Variants in ENTPD7 observed in about 807,000 individuals in gnomAD.
ENTPD7 encodes the protein NTPDase 7.
Under a neutral mutation model 77.9 loss-of-function variants are expected in ENTPD7, and 53 were observed. That is an observed-to-expected ratio of 0.68 (90% CI 0.55 to 0.85). The LOEUF is 0.85. Ranked by LOEUF, ENTPD7 falls within the 40% of genes least tolerant of loss-of-function variation. ENTPD7 has a pLI of 0.00. For synonymous variants in ENTPD7, 248 were observed against 274.9 expected (o/e 0.90, Z 0.97); for missense variants, 636 against 743.7 (o/e 0.86, Z 1.68).
chr10:99,671,391 C>T lies in ENTPD7; in HGVS notation c.192-7870C>T. Among the ~76,000 whole-genome samples the T allele has an allele frequency of 1.3e-5, 2 of 151,992 alleles. 1 individual carries two copies. The highest frequency in any genetic ancestry group is 2.9e-5 in the Non-Finnish European group (2 of 67,976). On this transcript the variant is annotated intron_variant, in intron 3 of 12. Coordinates refer to ENST00000370489, the MANE Select transcript of ENTPD7 (RefSeq NM_020354.5). ...GTATTCTTATTCTATAAGTTTTCTT[C>T]TATTTTTAAAAACTTAAAGTTTTTT... is the stretch of plus-strand genomic sequence containing the variant.
Position 99,702,515 on chromosome 10 carries a change from T to C in ENTPD7, c.1425T>C (p.Tyr475=), listed in dbSNP as rs752826285. 1.9e-5 allele frequency: 29 copies of C among 1,564,972 alleles called. No individual in the cohort carries two copies. Among genetic ancestry groups the C allele is most frequent in the Middle Eastern group, 1.7e-4 (1 of 5,948 alleles). The change falls in exon 12 of 13, where the codon TAT becomes TAC. Residue 475 remains tyrosine, a synonymous_variant. Coordinates refer to ENST00000370489, the MANE Select transcript of ENTPD7 (RefSeq NM_020354.5). ...SSHADEHRLK[Y]QCFKSAWMYQ... is the part of the protein sequence containing the mutation. ...TTTAATTATTTTTGTCACACAGATA[T>C]CAGTGTTTTAAATCGGCTTGGATGT... is the stretch of plus-strand genomic sequence containing the variant.
Position 99,697,028 on chromosome 10 carries a change from G to A in ENTPD7, c.1010+906G>A, listed in dbSNP as rs186346842. The stretch of plus-strand genomic sequence containing the variant: ...TACGTATACTTAACCATTTAGCTAC[G>A]AACACTAGCTTGAAGAAGTACTGGT... On this transcript the variant is annotated intron_variant, in intron 9 of 12. Transcript: ENST00000370489. 9.8e-4 allele frequency among the ~76,000 whole-genome samples: 149 copies of A among 152,280 alleles called. 1 individual carries two copies. The highest frequency in any genetic ancestry group is 6.8e-3 in the Middle Eastern group (2 of 294).
chr10:99,691,372 T>C lies in ENTPD7; in HGVS notation c.710-13T>C. ...TAATTACTAGGGCCTTTTTGTTCTC[T>C]TATTTATTTCAGAATCAGATGCTGA... On this transcript the variant is annotated splice_polypyrimidine_tract_variant and intron_variant, in intron 7 of 12. Coordinates refer to ENST00000370489, the MANE Select transcript of ENTPD7 (RefSeq NM_020354.5). The C allele has an allele frequency of 6.2e-7, 1 of 1,609,772 alleles. No individual in the cohort carries two copies. The highest frequency in any genetic ancestry group is 8.5e-7 in the Non-Finnish European group (1 of 1,178,778).
In ENTPD7 at chr10:99,696,048, T is replaced by C. The variant is rs1373930602; in HGVS notation, c.936T>C (p.Phe312=). The C allele has an allele frequency of 1.9e-6, 3 of 1,614,086 alleles. No homozygotes were observed. The African/African-American group carries it at 4.0e-5, about 22-fold the overall frequency. ...EHVYRVYVTT[F]LGFGGNFARQ... is the part of the protein sequence containing the mutation. ...TGTACAGGGTTTATGTCACAACTTT[T>C]CTGGGTTTCGGAGGCAACTTTGCCC... Residue 312 remains phenylalanine (F), a synonymous_variant, in exon 9 of 13, where the codon TTT becomes TTC. Transcript: ENST00000370489.
At chr10:99,688,657 A>G in intron 6 of ENTPD7, 37 bp from the exon 7 acceptor site, 1 of 1,609,132 alleles carries the variant, frequency 6.2e-7, no homozygotes, top group Non-Finnish European at 8.5e-7. Flanking sequence ...GCATAGCAGT[A>G]GAGAATTAAG....
chr10:99,660,043 C>A, intron 2 of ENTPD7, 79 bp downstream of exon 2: 1 of 1,605,638 alleles, frequency 6.2e-7, no homozygotes. Flanking sequence ...GGAGGCTGTC[C>A]CAAGTGAGGT....
Position 99,687,356 on chromosome 10 carries a change from C to T in ENTPD7, c.653-1338C>T, listed in dbSNP as rs1324366692. 4.2e-5 allele frequency among the ~76,000 whole-genome samples: 6 copies of T among 142,686 alleles called. No individual in the cohort carries two copies. The East Asian group carries it at 1.3e-3, about 30-fold the overall frequency. The allele number at this position is 142,686 out of a possible 152,430, so 93.6% of individuals were successfully genotyped here. A position where few individuals can be genotyped will look rare whatever the true frequency, so the allele number is the denominator to read the frequency against. On this transcript the variant is annotated intron_variant, in intron 6 of 12. Transcript: ENST00000370489. Reference sequence around the variant, plus strand: ...GTCTCGGCCCACTGCAACCTCCGCTCCCTGGTTCAAGCGACTCTCCTGCCT... The same window carrying T: ...GTCTCGGCCCACTGCAACCTCCGCTTCCTGGTTCAAGCGACTCTCCTGCCT...
chr10:99,669,251 A>G (rs902460916), intron 3 of ENTPD7, among the ~76,000 whole-genome samples: 49 of 152,248 alleles, frequency 3.2e-4, no homozygotes, highest in Admixed American at 1.2e-3. Context: ...TGCACATTGC[A>G]TCTTTGTATT....
At chr10:99,699,428 G>A (rs1018187617) in intron 10 of ENTPD7, among the ~76,000 whole-genome samples, 7 of 152,176 alleles carry the variant, frequency 4.6e-5, no homozygotes, top group African/African-American at 1.7e-4. Context: ...CATCATATAA[G>A]TTTAAATCAT....
chr10:99,708,381 A>C lies in ENTPD7; in HGVS notation c.*3698A>C, dbSNP rs2036292229. Among the ~76,000 whole-genome samples the C allele has an allele frequency of 6.6e-6, 1 of 152,222 alleles. No individual in the cohort carries two copies. The highest frequency in any genetic ancestry group is 2.1e-4 in the South Asian group (1 of 4,830). On this transcript the variant is annotated 3_prime_UTR_variant, in exon 13 of 13. Coordinates refer to ENST00000370489, the MANE Select transcript of ENTPD7 (RefSeq NM_020354.5). ...TGTTTTGTTTTTTGTCAGGGATGAA[A>C]GACAAGTGAGTGGTATCACTTAAGG...
intron 3 of ENTPD7, among the ~76,000 whole-genome samples, chr10:99,665,764 C>T (rs1211667799): frequency 6.6e-6 from 1 of 151,712 alleles, no homozygotes; most frequent in Non-Finnish European, 1.5e-5. Context: ...TGGTCTTGAA[C>T]ACCTGGGCTC....
In ENTPD7 at chr10:99,711,025, T is replaced by C. The variant is rs1289037918; in HGVS notation, c.*6342T>C. The C allele has an allele frequency of 1.0e-6, 1 of 985,300 alleles. No homozygotes were observed. The highest frequency in any genetic ancestry group is 1.1e-4 in the East Asian group (1 of 8,822). 61.0% of individuals were successfully genotyped at this position (985,300 alleles called of 1,614,324 possible). On this transcript the variant is annotated 3_prime_UTR_variant, in exon 13 of 13. Coordinates refer to ENST00000370489, the MANE Select transcript of ENTPD7 (RefSeq NM_020354.5). Reference sequence around the variant, plus strand: ...AGGTATTTGGAACATCAATCTGTAATTATCCATTTTCCATTCATGCATTCA... The same window carrying C: ...AGGTATTTGGAACATCAATCTGTAACTATCCATTTTCCATTCATGCATTCA...
In ENTPD7 at chr10:99,700,979, T is replaced by C; in HGVS notation, c.1342T>C (p.Cys448Arg). The change falls in exon 11 of 13, where the codon TGT becomes CGT. Residue 448 changes from cysteine to arginine, a missense_variant. By Grantham distance (180) the Cys-to-Arg change is radical. Transcript: ENST00000370489. ...TTCTCTGTGGTTGATCCAGGATTAC[T>C]GTGGCATGGCTTGGTCGGTACTAAC... ...PTFAKAAQDY[C>R]GMAWSVLTQR... 1.2e-6 allele frequency: 2 copies of C among 1,613,988 alleles called. No individual in the cohort carries two copies. The highest frequency in any genetic ancestry group is 1.7e-6 in the Non-Finnish European group (2 of 1,179,878).
chr10:99,688,795 G>A, intron 7 of ENTPD7, 45 bp downstream of exon 7: 1 of 1,593,096 alleles, frequency 6.3e-7, no homozygotes, highest in East Asian at 2.2e-5. Context: ...AAGGGCTGAA[G>A]ATTTAAGTTA....
intron 5 of ENTPD7, among the ~76,000 whole-genome samples, chr10:99,681,146 C>T (rs1281333002): frequency 1.3e-5 from 2 of 152,104 alleles, no homozygotes; most frequent in East Asian, 3.8e-4. Context: ...GTTTCCACAT[C>T]TTGGTTATTG....
At chr10:99,693,168 G>A (rs1218229711) in intron 8 of ENTPD7, among the ~76,000 whole-genome samples, 2 of 152,184 alleles carry the variant, frequency 1.3e-5, no homozygotes, top group Non-Finnish European at 2.9e-5. Flanking sequence ...ACTGAGAGAA[G>A]AGCAACAGGG....
Position 99,661,488 on chromosome 10 carries a change from T to C in ENTPD7, c.51T>C (p.Thr17=), listed in dbSNP as rs753162110. ...SYLCPASWYF[T]VPTVSPFLRQ... ...TCTGCCCAGCCTCCTGGTACTTCAC[T>C]GTGCCCACAGTGAGTCCATTTCTCC... Residue 17 remains threonine (T), a synonymous_variant, in exon 3 of 13, where the codon ACT becomes ACC. Transcript: ENST00000370489. 6.2e-7 allele frequency: 1 copy of C among 1,613,022 alleles called. No individual in the cohort carries two copies. Among genetic ancestry groups the C allele is most frequent in the Non-Finnish European group, 8.5e-7 (1 of 1,179,668 alleles).
intron 6 of ENTPD7, among the ~76,000 whole-genome samples, chr10:99,687,726 G>A (rs967013192): frequency 2.0e-5 from 3 of 152,160 alleles, no homozygotes; most frequent in Non-Finnish European, 4.4e-5. Flanking sequence ...GTAGCTTGGA[G>A]GTGAGCCCAG....
intron 5 of ENTPD7, among the ~76,000 whole-genome samples, chr10:99,683,658 T>A (rs2035779523): frequency 6.6e-6 from 1 of 152,204 alleles, no homozygotes; most frequent in Non-Finnish European, 1.5e-5. Context: ...TATGTATACA[T>A]GAAGAATGAT....
Sources: allele counts gnomAD v4.1 joint callset (sites outside exome capture counted in the v4.1 genomes callset), GRCh38; gene constraint gnomAD v4.1.1; transcripts MANE v1.5; gene names NCBI Gene and HGNC (gene_info 2026-07-23, HGNC 2026-07-21).